TRHDE: variants seen among roughly 807,000 people sequenced by gnomAD.
TRHDE encodes thyrotropin-releasing hormone-degrading ectoenzyme.
In TRHDE, 72 loss-of-function variants were observed where a neutral mutation model predicts 125.7. That is an observed-to-expected ratio of 0.57 (90% CI 0.47 to 0.70). TRHDE has a LOEUF of 0.70. Ranked by LOEUF, TRHDE falls within the 30% of genes least tolerant of loss-of-function variation. The pLI is 0.00. For synonymous variants in TRHDE, 509 were observed against 509.1 expected (o/e 1.00, Z 0.00); for missense variants, 1,110 against 1,327.1 (o/e 0.84, Z 2.54).
At chr12:72,425,133 TTTG>T (rs1353747089) in intron 3 of TRHDE, among the ~76,000 whole-genome samples, 2 of 152,080 alleles carry the variant, frequency 1.3e-5, no homozygotes, top group African/African-American at 4.8e-5. Flanking sequence ...GCATATGCAT[TTTG>T]TTGTTGTTGT....
intron 2 of TRHDE, among the ~76,000 whole-genome samples, chr12:72,113,471 G>A (rs1029070296): frequency 1.4e-4 from 21 of 151,722 alleles, no homozygotes; most frequent in Non-Finnish European, 2.4e-4. Context: ...CAAAAAATAC[G>A]TAGTTTTATA....
intron 3 of TRHDE, among the ~76,000 whole-genome samples, chr12:72,378,800 C>T (rs537388392): frequency 2.0e-5 from 3 of 152,248 alleles, no homozygotes; most frequent in African/African-American, 7.2e-5. Flanking sequence ...AAAGAGAATG[C>T]ACTTGGTAAT....
intron 2 of TRHDE, among the ~76,000 whole-genome samples, chr12:72,215,106 C>T (rs1877859161): frequency 6.6e-6 from 1 of 151,988 alleles, no homozygotes; most frequent in Non-Finnish European, 1.5e-5. Context: ...AAAAGAGAGT[C>T]AGCGAAGGGA....
intron 1 of TRHDE, among the ~76,000 whole-genome samples, chr12:72,100,023 T>C (rs1875030400): frequency 1.3e-5 from 2 of 152,182 alleles, no homozygotes; most frequent in Non-Finnish European, 2.9e-5. Flanking sequence ...CAATGTTTTT[T>C]TTCTCAGAGA....
At chr12:72,236,650 T>A (rs1878343544) in intron 2 of TRHDE, among the ~76,000 whole-genome samples, 1 of 152,170 alleles carries the variant, frequency 6.6e-6, no homozygotes. Flanking sequence ...ATAAAATCTG[T>A]TAGGTTTCTT....
chr12:72,503,476 G>T (rs765946853), intron 6 of TRHDE, among the ~76,000 whole-genome samples: 1 of 152,098 alleles, frequency 6.6e-6, no homozygotes, highest in Non-Finnish European at 1.5e-5. Context: ...ACAAAGGAGA[G>T]AAAACATATA....
intron 2 of TRHDE, among the ~76,000 whole-genome samples, chr12:72,348,322 T>G (rs1042257044): frequency 1.3e-5 from 2 of 151,938 alleles, no homozygotes; most frequent in Admixed American, 6.6e-5. Flanking sequence ...TGCACTGGTT[T>G]AATTCTCGGT....
intron 12 of TRHDE, chr12:72,582,340 T>G (rs1871273962): frequency 1.0e-6 from 1 of 985,334 alleles, no homozygotes. Context: ...TACAGATTTT[T>G]TTTTTCATTT....
intron 5 of TRHDE, among the ~76,000 whole-genome samples, chr12:72,488,097 GAAGA>G (rs1378572293): frequency 1.3e-5 from 2 of 151,952 alleles, no homozygotes; most frequent in Non-Finnish European, 2.9e-5. Context: ...AATAAGAAAG[GAAGA>G]AAGAAGCAAA....
intron 2 of TRHDE, among the ~76,000 whole-genome samples, chr12:72,311,490 C>A (rs1186369335): frequency 6.6e-6 from 1 of 152,122 alleles, no homozygotes; most frequent in African/African-American, 2.4e-5. Flanking sequence ...GGAATCAGCA[C>A]ATTAACATTG....
At chr12:72,636,112 A>G (rs1442709261) in intron 15 of TRHDE, among the ~76,000 whole-genome samples, 2 of 151,980 alleles carry the variant, frequency 1.3e-5, no homozygotes, top group East Asian at 1.9e-4. Flanking sequence ...CATTTTCATG[A>G]TATTGATTCT....
At chr12:72,464,943 GT>G (rs1381287213) in intron 3 of TRHDE, among the ~76,000 whole-genome samples, 4 of 152,070 alleles carry the variant, frequency 2.6e-5, no homozygotes, top group African/African-American at 7.2e-5. Context: ...TCTGTCTATA[GT>G]TTTTTGTACT....
chr12:72,360,951 A>G (rs896573607), intron 2 of TRHDE, among the ~76,000 whole-genome samples: 8 of 151,606 alleles, frequency 5.3e-5, no homozygotes, highest in African/African-American at 1.9e-4. Context: ...AAACCTGCAT[A>G]CATTAGTTAT....
intron 2 of TRHDE, among the ~76,000 whole-genome samples, chr12:72,292,624 C>T (rs1176134559): frequency 1.3e-5 from 2 of 152,112 alleles, no homozygotes; most frequent in Non-Finnish European, 2.9e-5. Flanking sequence ...CAAAGGTCCC[C>T]TTTCCTTCAG....
intron 2 of TRHDE, among the ~76,000 whole-genome samples, chr12:72,317,206 A>G (rs1664906741): frequency 6.6e-6 from 1 of 152,196 alleles, no homozygotes; most frequent in African/African-American, 2.4e-5. Context: ...CATTTGACTT[A>G]AAATTCATAG....
At chr12:72,325,468 T>C (rs543120564) in intron 2 of TRHDE, among the ~76,000 whole-genome samples, 4 of 152,292 alleles carry the variant, frequency 2.6e-5, no homozygotes, top group African/African-American at 9.6e-5. Context: ...ATGGCAATTT[T>C]GTTGTTGTAA....
intron 3 of TRHDE, among the ~76,000 whole-genome samples, chr12:72,421,834 G>A (rs373616389): frequency 3.3e-5 from 5 of 152,084 alleles, no homozygotes; most frequent in South Asian, 2.1e-4. Context: ...TGGTAGAAGC[G>A]TTCAGTTGTG....
intron 2 of TRHDE, among the ~76,000 whole-genome samples, chr12:72,240,176 T>C (rs539883915): frequency 3.5e-4 from 53 of 151,980 alleles, no homozygotes; most frequent in Admixed American, 2.7e-3. Flanking sequence ...AAATCACTTA[T>C]TCAGTTTTAT....
chr12:72,187,448 G>A (rs894433558), intron 2 of TRHDE, among the ~76,000 whole-genome samples: 4 of 145,928 alleles, frequency 2.7e-5, no homozygotes, highest in African/African-American at 1.0e-4. Flanking sequence ...GGTGGGGGGG[G>A]TGGTGGTGGT....
Sources: allele counts gnomAD v4.1 joint callset (sites outside exome capture counted in the v4.1 genomes callset), GRCh38; gene constraint gnomAD v4.1.1; transcripts MANE v1.5; gene names NCBI Gene and HGNC (gene_info 2026-07-23, HGNC 2026-07-21).